The following COL23A1 variants were observed in gnomAD, a reference collection of about 807,000 sequenced individuals.
The protein encoded by COL23A1 is collagen type XXIII alpha 1 chain.
A neutral mutation model predicts 99.3 loss-of-function variants in COL23A1; 97 were observed. The observed-to-expected ratio is 0.98, with a 90% CI of 0.83 to 1.16. The LOEUF (loss-of-function observed/expected upper bound fraction) is 1.16. Among genes scored for constraint, COL23A1 ranks in the 50% most tolerant of loss-of-function variants. The probability of loss-of-function intolerance (pLI) is 0.00; values close to 1 mark genes in which losing one functional copy is unlikely to be tolerated. For missense variants in COL23A1, 762 were observed against 757.4 expected, an observed-to-expected ratio of 1.01 and a Z score of -0.07; for synonymous variants, 320 against 308.2, an observed-to-expected ratio of 1.04 and a Z score of -0.40.
chr5:178,363,816 C>T (rs534376396), intron 2 of COL23A1, among the ~76,000 whole-genome samples: 6 of 152,338 alleles, frequency 3.9e-5, no homozygotes, highest in African/African-American at 1.4e-4. Context: ...TCTGTTCTTC[C>T]TCAAAGACAC....
chr5:178,305,142 G>C (rs1193427264), intron 3 of COL23A1, among the ~76,000 whole-genome samples: 1 of 152,158 alleles, frequency 6.6e-6, no homozygotes, highest in African/African-American at 2.4e-5. Flanking sequence ...TATTTGGCAG[G>C]GTCTCGGGTG....
Position 178,493,192 on chromosome 5 carries a change from T to C in COL23A1, c.361+67490A>G, listed in dbSNP as rs116071385. On this transcript the variant is annotated intron_variant, in intron 2 of 28. Coordinates refer to ENST00000390654, the MANE Select transcript of COL23A1 (RefSeq NM_173465.4). Reference sequence around the variant, plus strand: ...CTCCAGGCACCCTCAGCTCCCATCTTCTGTGGATCTGGGAGCCCAGGACAC... The same window carrying C: ...CTCCAGGCACCCTCAGCTCCCATCTCCTGTGGATCTGGGAGCCCAGGACAC... 2.2e-3 allele frequency among the ~76,000 whole-genome samples: 337 copies of C among 152,290 alleles called. 2 individuals carry two copies. Among genetic ancestry groups the C allele is most frequent in the African/African-American group, 7.6e-3 (314 of 41,562 alleles).
rs6864031 is a variant in COL23A1 at position 178,545,722 on chromosome 5, C to T, written c.361+14960G>A. Among the ~76,000 whole-genome samples the T allele has an allele frequency of 5.0e-3, 765 of 152,158 alleles. 6 individuals are homozygous for T. The highest frequency in any genetic ancestry group is 0.018 in the African/African-American group (743 of 41,484). On this transcript the variant is annotated intron_variant, in intron 2 of 28. Coordinates refer to ENST00000390654, the MANE Select transcript of COL23A1 (RefSeq NM_173465.4). ...ATGATGTGCTTTTCCACAGGGCAGC[C>T]ACAGAAGGAACTTGCACCCTGGCAC...
At chr5:178,534,633 G>C (rs948896403) in intron 2 of COL23A1, among the ~76,000 whole-genome samples, 1 of 152,122 alleles carries the variant, frequency 6.6e-6, no homozygotes, top group African/African-American at 2.4e-5. Context: ...CTAAAAATTA[G>C]CTGGGCATAG....
intron 2 of COL23A1, among the ~76,000 whole-genome samples, chr5:178,502,117 G>A (rs890254300): frequency 2.0e-5 from 3 of 152,174 alleles, no homozygotes; most frequent in African/African-American, 7.2e-5. Context: ...TTCACATATG[G>A]TAAGTAGCAA....
chr5:178,421,934 C>CG (rs140853722), intron 2 of COL23A1, among the ~76,000 whole-genome samples: 5,481 of 151,958 alleles, frequency 0.036, 328 homozygotes, highest in African/African-American at 0.12. Context: ...TGAAGAACGC[C>CG]GGGGGGTGGA....
chr5:178,252,688 C>T (rs1266357988), intron 16 of COL23A1, 91 bp from the exon 17 acceptor site: 12 of 1,119,114 alleles, frequency 1.1e-5, no homozygotes, highest in South Asian at 1.4e-5. Flanking sequence ...ATCAAGTCCC[C>T]GTCCAGCTGA....
At chr5:178,257,653 G>T in intron 12 of COL23A1, 86 bp from the exon 13 acceptor site, 1 of 1,361,218 alleles carries the variant, frequency 7.3e-7, no homozygotes, top group Non-Finnish European at 1.0e-6. Flanking sequence ...CAGCACACCA[G>T]TCTGCTCCTG....
At chr5:178,506,782 A>G (rs1371424300) in intron 2 of COL23A1, among the ~76,000 whole-genome samples, 2 of 152,228 alleles carry the variant, frequency 1.3e-5, no homozygotes, top group African/African-American at 4.8e-5. Context: ...TTTCAAAACA[A>G]TACCATTTTT....
chr5:178,250,068 C>T lies in COL23A1; in HGVS notation c.1052G>A (p.Gly351Glu). The T allele has an allele frequency of 6.2e-7, 1 of 1,614,152 alleles. No individual in the cohort carries two copies. Among genetic ancestry groups the T allele is most frequent in the Non-Finnish European group, 8.5e-7 (1 of 1,180,024 alleles). The change falls in exon 18 of 29, where the codon GGA becomes GAA. Residue 351 changes from glycine to glutamate, a missense_variant. By Grantham distance (98) the Gly-to-Glu change is moderately conservative. Transcript: ENST00000390654. ...AATGAAAGGCCCAGAGACCTTCTCT[C>T]CATCGATTCCTGGGGCACCGGGCAA... ...LGLPGAPGIDGEKGPKGQKGD... is the reference protein window; with the variant it reads ...LGLPGAPGIDEEKGPKGQKGD...
At chr5:178,277,711 A>G (rs1457618378) in intron 5 of COL23A1, among the ~76,000 whole-genome samples, 1 of 152,214 alleles carries the variant, frequency 6.6e-6, no homozygotes, top group Non-Finnish European at 1.5e-5. Context: ...AAGTAATTAC[A>G]TGTATGTCCA....
At chr5:178,529,078 G>A (rs1042127697) in intron 2 of COL23A1, among the ~76,000 whole-genome samples, 3 of 152,218 alleles carry the variant, frequency 2.0e-5, no homozygotes, top group African/African-American at 4.8e-5. Flanking sequence ...GAGGTCCCTC[G>A]CGGCTGTTCT....
chr5:178,385,704 C>T lies in COL23A1; in HGVS notation c.362-78785G>A, dbSNP rs138048576. Among the ~76,000 whole-genome samples the T allele has an allele frequency of 1.4e-3, 207 of 152,342 alleles. 1 individual carries two copies. Among genetic ancestry groups the T allele is most frequent in the African/African-American group, 4.4e-3 (181 of 41,582 alleles). On this transcript the variant is annotated intron_variant, in intron 2 of 28. Transcript: ENST00000390654. The stretch of plus-strand genomic sequence containing the variant: ...CACGTCGTGGCTTGATGTTGACTCA[C>T]ACCTGGGTTCACAGAGCAAACTGAC...
At chr5:178,321,949 G>A (rs1759343520) in intron 2 of COL23A1, among the ~76,000 whole-genome samples, 2 of 152,080 alleles carry the variant, frequency 1.3e-5, no homozygotes, top group South Asian at 4.2e-4. Context: ...CAAGTAGCTG[G>A]GATTACAGGT....
At chr5:178,404,906 C>T (rs1035302072) in intron 2 of COL23A1, among the ~76,000 whole-genome samples, 1 of 152,192 alleles carries the variant, frequency 6.6e-6, no homozygotes, top group Admixed American at 6.5e-5. Flanking sequence ...AGAATGAGCT[C>T]ACTATGCAGC....
intron 14 of COL23A1, 29 bp downstream of exon 14, chr5:178,256,837 G>A (rs1417020455): frequency 6.2e-7 from 1 of 1,604,584 alleles, no homozygotes; most frequent in Non-Finnish European, 8.5e-7. Context: ...GGGGCCCGCA[G>A]GCGCCAGAGC....
chr5:178,549,234 T>C (rs2113451741), intron 2 of COL23A1, among the ~76,000 whole-genome samples: 1 of 151,844 alleles, frequency 6.6e-6, no homozygotes, highest in South Asian at 2.1e-4. Context: ...CCTCAGGTTA[T>C]CCACCCGCCT....
chr5:178,398,153 T>C (rs1764248074), intron 2 of COL23A1, among the ~76,000 whole-genome samples: 1 of 152,054 alleles, frequency 6.6e-6, no homozygotes, highest in Admixed American at 6.6e-5. Flanking sequence ...AGAGAGCAAC[T>C]TGGGTAAAAA....
At chr5:178,402,315 A>C (rs888871577) in intron 2 of COL23A1, among the ~76,000 whole-genome samples, 1 of 151,976 alleles carries the variant, frequency 6.6e-6, no homozygotes, top group Non-Finnish European at 1.5e-5. Context: ...ATGTGGTGAG[A>C]CCCTGTCTCT....
Sources: gnomAD v4.1 joint callset for allele counts (sites outside exome capture counted in the v4.1 genomes callset) on GRCh38, gnomAD v4.1.1 for gene constraint, MANE v1.5 for transcripts, NCBI Gene and HGNC (gene_info 2026-07-23, HGNC 2026-07-21) for gene names.